PLEKHA6: variants seen among roughly 807,000 people sequenced by gnomAD.
PLEKHA6 encodes pleckstrin homology domain-containing family A member 6.
In PLEKHA6, 60 loss-of-function variants were observed where a neutral mutation model predicts 116.7. That is an observed-to-expected ratio of 0.51 (90% CI 0.42 to 0.64). PLEKHA6 has a LOEUF of 0.64. PLEKHA6 is among the 30% of genes least tolerant of loss of function. PLEKHA6 has a pLI of 0.00. For missense variants in PLEKHA6, 1,338 were observed against 1,422.7 expected (o/e 0.94, Z 0.96); for synonymous variants, 489 against 556.1 (o/e 0.88, Z 1.70).
At chr1:204,273,481 C>T in intron 3 of PLEKHA6, 145 bp downstream of exon 3, 1 of 641,128 alleles carries the variant, frequency 1.6e-6, no homozygotes, top group African/African-American at 1.8e-5. Context: ...CTACTCTCCA[C>T]TCTCTTCCTG....
chr1:204,295,421 C>T (rs773438174), intron 1 of PLEKHA6, among the ~76,000 whole-genome samples: 6 of 149,024 alleles, frequency 4.0e-5, no homozygotes, highest in Non-Finnish European at 4.4e-5. Context: ...ATCCGGGAGG[C>T]GGAGGTTGCA....
chr1:204,245,011 G>T lies in PLEKHA6; in HGVS notation c.2033-8C>A, dbSNP rs1302034634. 1.4e-6 allele frequency: 2 copies of T among 1,412,374 alleles called. No homozygotes were observed. The highest frequency in any genetic ancestry group is 2.9e-5 in the East Asian group (1 of 34,672). The allele number at this position is 1,412,374 out of a possible 1,614,324, so 87.5% of individuals were successfully genotyped here. ...CTGAGGGGCCAAGTCCTCCTTGGGG[G>T]AAACAAGGGGATGGGTGAGCAATGG... On this transcript the variant is annotated splice_region_variant and splice_polypyrimidine_tract_variant and intron_variant, in intron 14 of 22. Transcript: ENST00000272203.
Position 204,228,845 on chromosome 1 carries a change from T to C in PLEKHA6, c.2768A>G (p.Lys923Arg), listed in dbSNP as rs1223304419. 1.2e-6 allele frequency: 2 copies of C among 1,614,082 alleles called. No homozygotes were observed. Among genetic ancestry groups the C allele is most frequent in the Non-Finnish European group, 8.5e-7 (1 of 1,179,998 alleles). ...AATGTACCGTTCAGGGATGAGGACT[T>C]TGTCTGGAGTGGAGAGCTATGGAGG... ...DINKELSTPD[K>R]VLIPERYIDL... The change falls in exon 20 of 23, where the codon AAA (lysine) becomes AGA (arginine). Residue 923 changes from lysine (K) to arginine (R), a missense_variant. Lys to Arg is a conservative substitution (Grantham distance 26, BLOSUM62 2). This residue lies in a region of PLEKHA6 where 1,136 missense variants were observed against 1,163.6 expected (regional missense o/e 0.98). Coordinates refer to ENST00000272203, the MANE Select transcript of PLEKHA6 (RefSeq NM_014935.5). This position sits in a 1 kb window ranked among gnomAD's most constrained non-coding sequence, Gnocchi z 4.0.
At chr1:204,326,142 C>T (rs1270193907) in intron 1 of PLEKHA6, among the ~76,000 whole-genome samples, 1 of 152,188 alleles carries the variant, frequency 6.6e-6, no homozygotes, top group Non-Finnish European at 1.5e-5. Flanking sequence ...CCAACTTTCT[C>T]CATGGCTGAG....
At chr1:204,284,747 T>G (rs1285589401) in intron 1 of PLEKHA6, among the ~76,000 whole-genome samples, 1 of 151,970 alleles carries the variant, frequency 6.6e-6, no homozygotes, top group Non-Finnish European at 1.5e-5. Context: ...AGGAAAAGGG[T>G]AAGGCCGGTG....
Position 204,359,687 on chromosome 1 carries a change from G to T in PLEKHA6, c.-95+7C>A. The T allele has an allele frequency of 1.0e-6, 1 of 980,006 alleles. No homozygotes were observed. The highest frequency in any genetic ancestry group is 1.2e-6 in the Non-Finnish European group (1 of 825,014). The allele number at this position is 980,006 out of a possible 1,614,324, so 60.7% of individuals were successfully genotyped here. A position where few individuals can be genotyped will look rare whatever the true frequency, so the allele number is the denominator to read the frequency against. On this transcript the variant is annotated splice_region_variant and intron_variant, in intron 1 of 22. Transcript: ENST00000272203. Reference sequence around the variant, plus strand: ...CTCATCTATGTGATGCATGAAAACAGACTCACCGGCTTCTGAGGTGTGATC... The same window carrying T: ...CTCATCTATGTGATGCATGAAAACATACTCACCGGCTTCTGAGGTGTGATC...
At chr1:204,226,095 A>G (rs1268036691) in intron 21 of PLEKHA6, among the ~76,000 whole-genome samples, 1 of 152,206 alleles carries the variant, frequency 6.6e-6, no homozygotes, top group Non-Finnish European at 1.5e-5. Context: ...CCACACACAC[A>G]GTGTCCTGGG....
chr1:204,308,672 A>ATTCTTT (rs1399249740), intron 1 of PLEKHA6, among the ~76,000 whole-genome samples: 7,980 of 86,428 alleles, frequency 0.092, 666 homozygotes, highest in African/African-American at 0.13. Flanking sequence ...CAAGAAGGTA[A>ATTCTTT]TTCTTTTTCT....
rs1466431976 is a variant in PLEKHA6 at position 204,370,544 on chromosome 1, C to T, written c.160+986G>A. ...GGCCTTGTGATTCTTGATGTCTCTA[C>T]CTCAACAACTTAGACTGAAGTCTTT... On this transcript the variant is annotated intron_variant, in intron 2 of 4. Transcript: ENST00000564627. 2.6e-5 allele frequency among the ~76,000 whole-genome samples: 4 copies of T among 152,340 alleles called. No homozygotes were observed. The South Asian group carries it at 6.2e-4, about 24-fold the overall frequency.
In PLEKHA6 at chr1:204,259,454, C is replaced by T; in HGVS notation, c.811G>A (p.Gly271Ser). ...CGGCTTGGGGAGTGGTACTGCCAGCCATTGGGCTGGGCAGGCTGTTCCCCA... is the reference window on the plus strand; with the variant it reads ...CGGCTTGGGGAGTGGTACTGCCAGCTATTGGGCTGGGCAGGCTGTTCCCCA... ...GGGEQPAQPN[G>S]WQYHSPSRPG... The change falls in exon 8 of 23, where the codon GGC becomes AGC. Residue 271 changes from glycine (G) to serine (S), a missense_variant. Around this residue, in one of 3 missense-constraint regions of PLEKHA6, gnomAD observed 1,136 missense variants for 1,163.6 expected, o/e 0.98. Transcript: ENST00000272203. The surrounding 1 kb of genome is among the most constrained non-coding windows in gnomAD (Gnocchi z 4.6). The T allele has an allele frequency of 1.9e-6, 3 of 1,614,220 alleles. No homozygotes were observed. Among genetic ancestry groups the T allele is most frequent in the Non-Finnish European group, 2.5e-6 (3 of 1,180,048 alleles).
chr1:204,282,794 T>C (rs1359348035), intron 1 of PLEKHA6: 2 of 985,248 alleles, frequency 2.0e-6, no homozygotes, highest in African/African-American at 1.7e-5. Context: ...TGCTGTGTGC[T>C]CTTGTTCCCT....
chr1:204,222,191 A>G lies in PLEKHA6; in HGVS notation c.*597T>C, dbSNP rs1659719795. Reference sequence around the variant, plus strand: ...CTCTCATCACCTTGTCTTTGGCTCAAGCAGGGTGGTCAGTCTCCACCGGAC... The same window carrying G: ...CTCTCATCACCTTGTCTTTGGCTCAGGCAGGGTGGTCAGTCTCCACCGGAC... On this transcript the variant is annotated 3_prime_UTR_variant, in exon 23 of 23. Transcript: ENST00000272203. 6.5e-6 allele frequency: 1 copy of G among 152,726 alleles called. No individual in the cohort carries two copies. Among genetic ancestry groups the G allele is most frequent in the East Asian group, 1.9e-4 (1 of 5,168 alleles). The allele number at this position is 152,726 out of a possible 1,614,324, so 9.5% of individuals were successfully genotyped here. A position where few individuals can be genotyped will look rare whatever the true frequency, so the allele number is the denominator to read the frequency against.
chr1:204,225,019 A>C (rs776751049), intron 21 of PLEKHA6, among the ~76,000 whole-genome samples: 5 of 152,228 alleles, frequency 3.3e-5, no homozygotes, highest in Non-Finnish European at 7.3e-5. Flanking sequence ...CAATTCTAAA[A>C]GGTGTTGACT....
intron 1 of PLEKHA6, among the ~76,000 whole-genome samples, chr1:204,357,747 G>A (rs1430468300): frequency 1.3e-5 from 2 of 152,242 alleles, no homozygotes; most frequent in Non-Finnish European, 2.9e-5. Flanking sequence ...TTCAGCACCA[G>A]TTGACACCAC....
At chr1:204,315,661 T>C (rs920360312) in intron 1 of PLEKHA6, among the ~76,000 whole-genome samples, 2 of 152,214 alleles carry the variant, frequency 1.3e-5, no homozygotes, top group Non-Finnish European at 2.9e-5. Flanking sequence ...GTCCTGAGCA[T>C]GACAGTGCTA....
In PLEKHA6 at chr1:204,221,281, G is replaced by A. The variant is rs935746686; in HGVS notation, c.*1507C>T. 4 of 152,668 alleles carry A rather than the reference G, an allele frequency of 2.6e-5. No homozygotes were observed. Among genetic ancestry groups the A allele is most frequent in the Non-Finnish European group, 4.4e-5 (3 of 68,064 alleles). 9.5% of individuals were successfully genotyped at this position (152,668 alleles called of 1,614,324 possible). A position where few individuals can be genotyped will look rare whatever the true frequency, so the allele number is the denominator to read the frequency against. Reference sequence around the variant, plus strand: ...CAGTAACTGTCCCAGCCATGAAGGAGTGCAGAGGAATTAGTAGGTGTTCTT... The same window carrying A: ...CAGTAACTGTCCCAGCCATGAAGGAATGCAGAGGAATTAGTAGGTGTTCTT... On this transcript the variant is annotated 3_prime_UTR_variant, in exon 23 of 23. Transcript: ENST00000272203.
Position 204,253,476 on chromosome 1 carries a change from C to T in PLEKHA6, c.1525-2862G>A, listed in dbSNP as rs577235164. 6.6e-5 allele frequency among the ~76,000 whole-genome samples: 10 copies of T among 152,224 alleles called. No homozygotes were observed. In the South Asian group the frequency reaches 1.9e-3, roughly 28 times the overall value. On this transcript the variant is annotated intron_variant, in intron 9 of 22. Transcript: ENST00000272203. ...GGCGAAGCCTACAGTGAGCCGAGAT[C>T]GCGCCACTGCACTCCAGCCTGGGTG...
At chr1:204,260,768 G>A (rs1666005451) in intron 7 of PLEKHA6, among the ~76,000 whole-genome samples, 3 of 152,212 alleles carry the variant, frequency 2.0e-5, no homozygotes, top group African/African-American at 4.8e-5. Flanking sequence ...GACGGCGGGC[G>A]ATGGGAGCGG....
chr1:204,231,893 A>G (rs1457047913), intron 17 of PLEKHA6, among the ~76,000 whole-genome samples: 2 of 151,552 alleles, frequency 1.3e-5, no homozygotes, highest in Non-Finnish European at 2.9e-5. Context: ...TTTTATTTTT[A>G]CTGTTGTTTT....
Sources: allele counts gnomAD v4.1 joint callset (sites outside exome capture counted in the v4.1 genomes callset), GRCh38; gene constraint gnomAD v4.1.1; regional missense constraint gnomAD v4.1.1; non-coding constraint Gnocchi (gnomAD v3.1); transcripts MANE v1.5; gene names NCBI Gene and HGNC (gene_info 2026-07-23, HGNC 2026-07-21).